PGLYRP2: variants seen among roughly 807,000 people sequenced by gnomAD.
PGLYRP2 encodes N-acetylmuramoyl-L-alanine amidase.
In PGLYRP2, 38 loss-of-function variants were observed where a neutral mutation model predicts 46.2. The observed-to-expected ratio is 0.82, with a 90% CI of 0.64 to 1.08. The LOEUF (loss-of-function observed/expected upper bound fraction) is 1.08. Ranked by LOEUF, PGLYRP2 falls within the 50% of genes least tolerant of loss-of-function variation. The pLI, the probability that PGLYRP2 is intolerant of heterozygous loss-of-function variation, is 0.00. For missense variants in PGLYRP2, 713 were observed against 755.9 expected, an observed-to-expected ratio of 0.94 and a Z score of 0.67; for synonymous variants, 289 against 329.4, an observed-to-expected ratio of 0.88 and a Z score of 1.33.
Position 15,469,136 on chromosome 19 carries a change from G to C in PGLYRP2, c.1642-384C>G. 1.8e-6 allele frequency: 1 copy of C among 565,156 alleles called. No individual in the cohort carries two copies. The highest frequency in any genetic ancestry group is 2.9e-5 in the East Asian group (1 of 34,510). 35.0% of individuals were successfully genotyped at this position (565,156 alleles called of 1,614,324 possible). A position where few individuals can be genotyped will look rare whatever the true frequency, so the allele number is the denominator to read the frequency against. ...GAATTGCAACACAGGATTAAGGACT[G>C]GACAGAGGTTGTGAAGGCAAAAGGT... On this transcript the variant is annotated intron_variant, in intron 4 of 4. Transcript: ENST00000340880. This position sits in a 1 kb window ranked among gnomAD's most constrained non-coding sequence, Gnocchi z 4.9.
intron 3 of PGLYRP2, among the ~76,000 whole-genome samples, chr19:15,471,293 T>G (rs1489539264): frequency 6.6e-6 from 1 of 151,904 alleles, no homozygotes; most frequent in East Asian, 1.9e-4. Flanking sequence ...TTTTGTATTT[T>G]TTAGTAGAGA....
In PGLYRP2 at chr19:15,476,574, C is replaced by T; in HGVS notation, c.96G>A (p.Gln32=). ...CTTTCTGCTCCAGCTCAGCCAGGGCCTGGATGACAGAGTCCATGAGCAGGG... is the reference window on the plus strand; with the variant it reads ...CTTTCTGCTCCAGCTCAGCCAGGGCTTGGATGACAGAGTCCATGAGCAGGG... ...SLPLLMDSVI[Q]ALAELEQKVP... is the part of the protein sequence containing the mutation. The change falls in exon 2 of 5, where the codon CAG becomes CAA. Residue 32 remains glutamine (Q), a synonymous_variant. Transcript: ENST00000340880. 1 of 1,610,794 alleles carries T rather than the reference C, an allele frequency of 6.2e-7. No homozygotes were observed.
At chr19:15,473,383 T>A (rs1970766566) in intron 2 of PGLYRP2, among the ~76,000 whole-genome samples, 1 of 139,770 alleles carries the variant, frequency 7.2e-6, no homozygotes, top group South Asian at 2.3e-4. Flanking sequence ...GGCAGGAGAA[T>A]CGCTTGAACC....
chr19:15,475,452 C>A, intron 2 of PGLYRP2, 86 bp downstream of exon 2: 1 of 1,341,692 alleles, frequency 7.5e-7, no homozygotes, highest in Non-Finnish European at 1.0e-6. Context: ...CTGGACTCTC[C>A]TAGTCCTCAA....
At chr19:15,477,055 A>G (rs1970804118) in intron 1 of PGLYRP2, among the ~76,000 whole-genome samples, 1 of 152,088 alleles carries the variant, frequency 6.6e-6, no homozygotes, top group South Asian at 2.1e-4. Context: ...TTTTGTGATG[A>G]ATTGAAGTTA....
chr19:15,472,052 C>A lies in PGLYRP2; in HGVS notation c.1181G>T (p.Arg394Leu), dbSNP rs34440547. The part of the protein sequence containing the change: ...PRCRWGAAPY[R>L]GRPKLLQLPL... ...CAGCTGCAGCAGCTTCGGGCGGCCCCGATAAGGCGCCGCTCCCCAGCGGCA... is the reference window on the plus strand; with the variant it reads ...CAGCTGCAGCAGCTTCGGGCGGCCCAGATAAGGCGCCGCTCCCCAGCGGCA... Residue 394 changes from arginine (R) to leucine (L), a missense_variant, in exon 3 of 5, where the codon CGG becomes CTG. By Grantham distance (102) the Arg-to-Leu change is moderately radical. Transcript: ENST00000340880. 8.7e-6 allele frequency: 14 copies of A among 1,609,242 alleles called. No individual in the cohort carries two copies. In the Admixed American group the frequency reaches 2.2e-4, roughly 25 times the overall value.
chr19:15,470,255 TCCTTCCTTC>T (rs1395033745), intron 3 of PGLYRP2, among the ~76,000 whole-genome samples: 1 of 114,056 alleles, frequency 8.8e-6, no homozygotes, highest in Non-Finnish European at 1.8e-5. Context: ...CTTCCTTCCT[TCCTTCCTTC>T]CTTCCTTCCT....
chr19:15,473,462 C>T (rs1423505079), intron 2 of PGLYRP2, among the ~76,000 whole-genome samples: 1 of 46,446 alleles, frequency 2.2e-5, no homozygotes, highest in Non-Finnish European at 3.9e-5. Context: ...AGAGCAAAAA[C>T]TCTGTCTCAA....
chr19:15,469,665 G>T lies in PGLYRP2; in HGVS notation c.1608C>A (p.Phe536Leu), dbSNP rs2145513199. Residue 536 changes from phenylalanine (F) to leucine (L), a missense_variant, in exon 4 of 5, where the codon TTC (phenylalanine) becomes TTA (leucine). Phe to Leu is a conservative substitution (Grantham distance 22). Coordinates refer to ENST00000340880, the MANE Select transcript of PGLYRP2 (RefSeq NM_052890.4). The surrounding 1 kb of genome is among the most constrained non-coding windows in gnomAD (Gnocchi z 4.9). ...AGTGCGGCCAGGTGCGCAGCAGGTC[G>T]AAGAGCGCGTCGCCGGGGCAGTCGG... is the stretch of plus-strand genomic sequence containing the variant. ...VRTDCPGDAL[F>L]DLLRTWPHFT... The T allele has an allele frequency of 6.4e-7, 1 of 1,553,820 alleles. No individual in the cohort carries two copies. Among genetic ancestry groups the T allele is most frequent in the East Asian group, 2.3e-5 (1 of 43,460 alleles).
intron 2 of PGLYRP2, among the ~76,000 whole-genome samples, chr19:15,472,373 T>C (rs1970758601): frequency 6.6e-6 from 1 of 151,838 alleles, no homozygotes; most frequent in South Asian, 2.1e-4. Flanking sequence ...GTGGATCACT[T>C]GAGGTCAGGA....
intron 1 of PGLYRP2, among the ~76,000 whole-genome samples, chr19:15,478,928 G>C (rs1250503747): frequency 3.9e-5 from 6 of 152,114 alleles, no homozygotes; most frequent in South Asian, 4.1e-4. Context: ...TTTGAATCCA[G>C]GAAGTCTTAC....
In PGLYRP2 at chr19:15,469,965, G is replaced by T. The variant is rs765090217; in HGVS notation, c.1344-36C>A. On this transcript the variant is annotated intron_variant, in intron 3 of 4. Coordinates refer to ENST00000340880, the MANE Select transcript of PGLYRP2 (RefSeq NM_052890.4). The surrounding 1 kb of genome is among the most constrained non-coding windows in gnomAD (Gnocchi z 4.9). ...GAGGGAGAAGCAAGCACCATGCGGC[G>T]TGAGGGGGACCCGGGCCCTTATCCG... is the stretch of plus-strand genomic sequence containing the variant. 2 of 1,385,536 alleles carry T rather than the reference G, an allele frequency of 1.4e-6. No homozygotes were observed. Among genetic ancestry groups the T allele is most frequent in the Admixed American group, 3.2e-5 (1 of 31,666 alleles). The allele number at this position is 1,385,536 out of a possible 1,614,324, so 85.8% of individuals were successfully genotyped here.
rs558064000 is a variant in PGLYRP2 at position 15,476,315 on chromosome 19, C to T, written c.355G>A (p.Val119Met). 3.4e-5 allele frequency: 55 copies of T among 1,614,202 alleles called. No homozygotes were observed. Among genetic ancestry groups the T allele is most frequent in the South Asian group, 1.8e-4 (16 of 91,080 alleles). ...GVVLAPDGST[V>M]AVEPLLAGLE... ...CCCGCCAGCAGAGGCTCCACAGCCA[C>T]GGTCGAGCCATCAGGTGCCAGCACC... Residue 119 changes from valine (V) to methionine (M), a missense_variant, in exon 2 of 5, where the codon GTG becomes ATG. Physicochemically the swap from Val to Met is conservative, Grantham distance 21. Coordinates refer to ENST00000340880, the MANE Select transcript of PGLYRP2 (RefSeq NM_052890.4).
intron 3 of PGLYRP2, among the ~76,000 whole-genome samples, chr19:15,471,444 G>A (rs966216207): frequency 2.0e-5 from 3 of 150,628 alleles, no homozygotes; most frequent in Non-Finnish European, 4.4e-5. Flanking sequence ...GTAGAGATGG[G>A]TGGTGTGGGG....
chr19:15,469,680 G>A lies in PGLYRP2; in HGVS notation c.1593C>T (p.Pro531=), dbSNP rs749504321. The A allele has an allele frequency of 1.3e-6, 2 of 1,538,036 alleles. No individual in the cohort carries two copies. The highest frequency in any genetic ancestry group is 2.3e-5 in the East Asian group (1 of 43,156). Residue 531 remains proline (P), a synonymous_variant, in exon 4 of 5, where the codon CCC becomes CCT. Transcript: ENST00000340880. The surrounding 1 kb of genome is among the most constrained non-coding windows in gnomAD (Gnocchi z 4.9). ...GCAGCAGGTCGAAGAGCGCGTCGCC[G>A]GGGCAGTCGGTGCGCACCAGCTGGC... ...GHRQLVRTDC[P]GDALFDLLRT...
chr19:15,475,624 A>T lies in PGLYRP2; in HGVS notation c.1046T>A (p.Val349Glu). 6.2e-7 allele frequency: 1 copy of T among 1,614,062 alleles called. No individual in the cohort carries two copies. Among genetic ancestry groups the T allele is most frequent in the Non-Finnish European group, 8.5e-7 (1 of 1,180,002 alleles). ...GCTCATGCACTGAAGCTGGAGGTGT[A>T]CTGGCTCCAGCCTCTGTAGAAGGAC... The part of the protein sequence containing the change: ...TLVLLQRLEP[V>E]HLQLQCMSQE... Residue 349 changes from valine (V) to glutamate (E), a missense_variant, in exon 2 of 5, where the codon GTA (valine) becomes GAA (glutamate). Physicochemically the swap from Val to Glu is moderately radical, Grantham distance 121 (BLOSUM62 -2). Transcript: ENST00000340880.
At chr19:15,472,820 T>C (rs947234812) in intron 2 of PGLYRP2, among the ~76,000 whole-genome samples, 2 of 152,082 alleles carry the variant, frequency 1.3e-5, no homozygotes, top group Non-Finnish European at 2.9e-5. Flanking sequence ...TTTCACAGAA[T>C]TAGACAAAAC....
At chr19:15,477,159 G>A (rs1970804866) in intron 1 of PGLYRP2, among the ~76,000 whole-genome samples, 1 of 152,098 alleles carries the variant, frequency 6.6e-6, no homozygotes, top group South Asian at 2.1e-4. Flanking sequence ...TTCGGAGGCC[G>A]AGGTGAGTGG....
chr19:15,476,607 G>T lies in PGLYRP2; in HGVS notation c.63C>A (p.Ala21=). The change falls in exon 2 of 5, where the codon GCC becomes GCA. Residue 21 remains alanine (A), a splice_region_variant and synonymous_variant. Coordinates refer to ENST00000340880, the MANE Select transcript of PGLYRP2 (RefSeq NM_052890.4). ...CAGAGTCCATGAGCAGGGGCAGGGA[G>T]GCTGCAGGAGGAAAGAATGTGTTAG... is the stretch of plus-strand genomic sequence containing the variant. The part of the protein sequence containing the change: ...GLLLWSDPGT[A]SLPLLMDSVI... 6.3e-7 allele frequency: 1 copy of T among 1,584,304 alleles called. No homozygotes were observed.
Sources: gnomAD v4.1 joint callset for allele counts (sites outside exome capture counted in the v4.1 genomes callset) on GRCh38, gnomAD v4.1.1 for gene constraint, Gnocchi (gnomAD v3.1) non-coding constraint, MANE v1.5 for transcripts, NCBI Gene and HGNC (gene_info 2026-07-23, HGNC 2026-07-21) for gene names.